Variants in CHST9 observed in about 807,000 individuals in gnomAD.
CHST9 encodes GalNAc-4-sulfotransferase 2.
CHST9 carries 41 observed loss-of-function variants against 44.4 expected under a neutral mutation model. That is an observed-to-expected ratio of 0.92 (90% CI 0.72 to 1.20). The LOEUF (loss-of-function observed/expected upper bound fraction) is 1.20. CHST9 is among the 50% of genes most tolerant of loss of function. The pLI is 0.00. For synonymous variants in CHST9, 171 were observed against 178.4 expected (o/e 0.96, Z 0.33); for missense variants, 504 against 516.5 (o/e 0.98, Z 0.23).
chr18:26,955,461 T>G (rs1644352), intron 4 of CHST9, among the ~76,000 whole-genome samples: 5 of 152,324 alleles, frequency 3.3e-5, no homozygotes, highest in East Asian at 3.9e-4. Flanking sequence ...ATAGTTTTTT[T>G]GGGGCACAGC....
intron 4 of CHST9, among the ~76,000 whole-genome samples, chr18:27,005,115 A>G (rs796878571): frequency 1.3e-5 from 2 of 152,356 alleles, no homozygotes; most frequent in African/African-American, 4.8e-5. Flanking sequence ...AGACACTGCA[A>G]GAATAAATGT....
chr18:27,053,769 C>T (rs2057616980), intron 2 of CHST9, among the ~76,000 whole-genome samples: 1 of 152,152 alleles, frequency 6.6e-6, no homozygotes, highest in African/African-American at 2.4e-5. Flanking sequence ...ACCTTCACCC[C>T]AGTTCCCCAT....
intron 4 of CHST9, among the ~76,000 whole-genome samples, chr18:27,021,675 T>C (rs912022389): frequency 6.6e-6 from 1 of 152,226 alleles, no homozygotes. Flanking sequence ...AATTTTTTCC[T>C]CTTTCCCCAG....
chr18:26,918,105 A>T (rs145226973), intron 5 of CHST9, among the ~76,000 whole-genome samples: 1 of 152,270 alleles, frequency 6.6e-6, no homozygotes, highest in African/African-American at 2.4e-5. Context: ...GAATGAGTCC[A>T]TTTACCACAT....
intron 1 of CHST9, 131 bp downstream of exon 1, chr18:27,185,005 A>T (rs975027703): frequency 1.6e-4 from 24 of 152,378 alleles, no homozygotes; most frequent in African/African-American, 5.5e-4. Flanking sequence ...CCAGCGGCGA[A>T]GCACCTGGAA....
intron 3 of CHST9, among the ~76,000 whole-genome samples, chr18:27,047,388 TTG>T (rs55698484): frequency 0.09 from 13,108 of 145,506 alleles, 673 homozygotes; most frequent in East Asian, 0.23. Context: ...GCCTTCATAA[TTG>T]TGTGTGTGTG....
chr18:26,922,495 G>T (rs1246190448), intron 5 of CHST9, among the ~76,000 whole-genome samples: 1 of 152,110 alleles, frequency 6.6e-6, no homozygotes, highest in African/African-American at 2.4e-5. Context: ...TATCCTTAAA[G>T]AGTAGATATT....
At chr18:26,958,617 C>CT (rs2056359291) in intron 4 of CHST9, among the ~76,000 whole-genome samples, 1 of 152,064 alleles carries the variant, frequency 6.6e-6, no homozygotes, top group African/African-American at 2.4e-5. Context: ...CTATAAGGAA[C>CT]TTAAACAATT....
At chr18:27,144,764 C>T (rs1486809731) in intron 1 of CHST9, among the ~76,000 whole-genome samples, 2 of 152,200 alleles carry the variant, frequency 1.3e-5, no homozygotes, top group East Asian at 1.9e-4. Flanking sequence ...CCACATTTAA[C>T]TTTGTGGTGA....
rs1452586141 is a variant in CHST9 at position 27,185,231 on chromosome 18, C to G, written c.-192G>C. 6.6e-6 allele frequency: 1 copy of G among 152,108 alleles called. No individual in the cohort carries two copies. The highest frequency in any genetic ancestry group is 1.5e-5 in the Non-Finnish European group (1 of 68,024). 9.4% of individuals were successfully genotyped at this position (152,108 alleles called of 1,614,324 possible). A position where few individuals can be genotyped will look rare whatever the true frequency, so the allele number is the denominator to read the frequency against. ...GCGCTCCGGGGCAAACTCCCGCGCA[C>G]TCCTGGCAGCCGTGAGGTGGCTGAG... On this transcript the variant is annotated 5_prime_UTR_variant, in exon 1 of 6. Transcript: ENST00000618847.
intron 2 of CHST9, among the ~76,000 whole-genome samples, chr18:27,116,297 C>CT (rs1382720221): frequency 6.6e-6 from 1 of 152,062 alleles, no homozygotes; most frequent in Non-Finnish European, 1.5e-5. Context: ...AGGTTTTTAT[C>CT]TATGTGAGGT....
chr18:27,130,187 T>C (rs928913322), intron 2 of CHST9, among the ~76,000 whole-genome samples: 2 of 152,194 alleles, frequency 1.3e-5, no homozygotes, highest in African/African-American at 4.8e-5. Flanking sequence ...TAGTTTGGAC[T>C]AGGTAGTATT....
intron 1 of CHST9, among the ~76,000 whole-genome samples, chr18:27,166,952 C>T (rs370270246): frequency 9.2e-5 from 14 of 152,162 alleles, no homozygotes; most frequent in African/African-American, 2.7e-4. Context: ...TGTGACACAG[C>T]AAAGGAGCTA....
intron 2 of CHST9, among the ~76,000 whole-genome samples, chr18:27,096,709 A>G (rs565309253): frequency 2.8e-4 from 42 of 152,196 alleles, no homozygotes; most frequent in African/African-American, 9.9e-4. Flanking sequence ...CTGGTCACAT[A>G]CAATCTCCCA....
rs2057490113 is a variant in CHST9 at position 27,045,561 on chromosome 18, C to T, written c.160+2904G>A. Among the ~76,000 whole-genome samples, 4 of 151,990 alleles carry T rather than the reference C, an allele frequency of 2.6e-5. No individual in the cohort carries two copies. In the South Asian group the frequency reaches 8.3e-4, roughly 31 times the overall value. ...TGATGACATCAGGTATTTGCCTCCT[C>T]ATATGTATCCACTTATCATTATATC... On this transcript the variant is annotated intron_variant, in intron 3 of 5. Transcript: ENST00000618847.
In CHST9 at chr18:26,907,120, G is replaced by T. The variant is rs1199218383; in HGVS notation, c.*9139C>A. On this transcript the variant is annotated 3_prime_UTR_variant, in exon 6 of 6. Coordinates refer to ENST00000618847, the MANE Select transcript of CHST9 (RefSeq NM_031422.6). Reference sequence around the variant, plus strand: ...GGGAGAGAAGTTCAAGATTATCGTAGAGTTGTAGACAGGAGAAGGTGAGAG... The same window carrying T: ...GGGAGAGAAGTTCAAGATTATCGTATAGTTGTAGACAGGAGAAGGTGAGAG... 3 of 152,406 alleles carry T rather than the reference G, an allele frequency of 2.0e-5. No individual in the cohort carries two copies. The highest frequency in any genetic ancestry group is 4.4e-5 in the Non-Finnish European group (3 of 68,090). The allele number at this position is 152,406 out of a possible 1,614,324, so 9.4% of individuals were successfully genotyped here. A position where few individuals can be genotyped will look rare whatever the true frequency, so the allele number is the denominator to read the frequency against.
intron 1 of CHST9, among the ~76,000 whole-genome samples, chr18:27,168,992 A>T (rs1238282881): frequency 1.3e-5 from 2 of 152,120 alleles, no homozygotes; most frequent in Admixed American, 1.3e-4. Flanking sequence ...TCCTATGGAG[A>T]GGGGTGTCCT....
intron 2 of CHST9, among the ~76,000 whole-genome samples, chr18:27,101,096 C>A (rs992365848): frequency 1.3e-5 from 2 of 152,192 alleles, no homozygotes; most frequent in Non-Finnish European, 2.9e-5. Flanking sequence ...TTGTTCTGCA[C>A]ACCCTAATCT....
intron 4 of CHST9, among the ~76,000 whole-genome samples, chr18:26,986,678 A>G (rs2056758314): frequency 6.6e-6 from 1 of 152,180 alleles, no homozygotes; most frequent in African/African-American, 2.4e-5. Flanking sequence ...TCTTAAAAAC[A>G]GCCAGAGGAA....
Sources: gnomAD v4.1 joint callset for allele counts (sites outside exome capture counted in the v4.1 genomes callset) on GRCh38, gnomAD v4.1.1 for gene constraint, MANE v1.5 for transcripts, NCBI Gene and HGNC (gene_info 2026-07-23, HGNC 2026-07-21) for gene names.